The following COL4A3 variants were observed in gnomAD, a reference collection of about 807,000 sequenced individuals.
COL4A3 encodes the protein collagen type IV alpha 3 chain.
COL4A3 carries 135 observed loss-of-function variants against 217.4 expected under a neutral mutation model. That is an observed-to-expected ratio of 0.62 (90% CI 0.54 to 0.72). The LOEUF is 0.72. COL4A3 is among the 30% of genes least tolerant of loss of function. The probability of loss-of-function intolerance (pLI) is 0.00; values close to 1 mark genes in which losing one functional copy is unlikely to be tolerated. For missense variants in COL4A3, 1,868 were observed against 2,119.9 expected, an observed-to-expected ratio of 0.88 and a Z score of 2.33; for synonymous variants, 690 against 736.3, an observed-to-expected ratio of 0.94 and a Z score of 1.02.
At chr2:227,166,268 C>G (rs941473029) in intron 1 of COL4A3, among the ~76,000 whole-genome samples, 2 of 152,162 alleles carry the variant, frequency 1.3e-5, no homozygotes, top group African/African-American at 4.8e-5. Context: ...ATTAGGAATT[C>G]CCAGACCAGG....
chr2:227,226,401 C>T (rs994621876), intron 1 of COL4A3, among the ~76,000 whole-genome samples: 5 of 151,744 alleles, frequency 3.3e-5, no homozygotes, highest in African/African-American at 1.2e-4. Context: ...TCTGCCATTC[C>T]AAGGTAGAAG....
chr2:227,211,411 T>A (rs2067316856), intron 1 of COL4A3, among the ~76,000 whole-genome samples: 1 of 152,230 alleles, frequency 6.6e-6, no homozygotes, highest in South Asian at 2.1e-4. Flanking sequence ...TTTCTCAGTT[T>A]TTACTATCAC....
chr2:227,298,298 G>C (rs182404016), intron 42 of COL4A3, among the ~76,000 whole-genome samples: 75 of 152,314 alleles, frequency 4.9e-4, no homozygotes, highest in African/African-American at 1.7e-3. Flanking sequence ...GCTGCAGTGA[G>C]CTGAGATTGC....
chr2:227,185,434 T>C (rs1307058485), intron 1 of COL4A3, among the ~76,000 whole-genome samples: 2 of 152,192 alleles, frequency 1.3e-5, no homozygotes, highest in Non-Finnish European at 1.5e-5. Context: ...AGTTACCTTT[T>C]AGCTGTATGA....
intron 3 of COL4A3, among the ~76,000 whole-genome samples, chr2:227,243,190 C>T (rs1190209219): frequency 1.3e-5 from 2 of 152,164 alleles, no homozygotes; most frequent in African/African-American, 4.8e-5. Flanking sequence ...GTATGGGTTA[C>T]ATGAGTGCAG....
At chr2:227,256,560 T>C (rs939399421) in intron 17 of COL4A3, 164 bp downstream of exon 17, 1 of 774,242 alleles carries the variant, frequency 1.3e-6, no homozygotes, top group Non-Finnish European at 2.3e-6. Flanking sequence ...CAACTTTACT[T>C]AAACATTTGA....
intron 28 of COL4A3, among the ~76,000 whole-genome samples, chr2:227,279,303 G>C (rs1186876547): frequency 6.6e-6 from 1 of 151,816 alleles, no homozygotes; most frequent in Non-Finnish European, 1.5e-5. Context: ...TAGAGATGGG[G>C]TTTCTCCATC....
intron 50 of COL4A3, among the ~76,000 whole-genome samples, chr2:227,310,041 T>A (rs1432469344): frequency 6.6e-6 from 1 of 152,232 alleles, no homozygotes; most frequent in Non-Finnish European, 1.5e-5. Context: ...AATGAAGTAC[T>A]TTCCCCAGGG....
rs1411010621 is a variant in COL4A3, at chr2:227,208,803, CACAT to C, written c.88-29163_88-29160del. Among the ~76,000 whole-genome samples, 58 of 106,448 alleles carry C rather than the reference CACAT, an allele frequency of 5.4e-4. No homozygotes were observed. In the South Asian group the frequency reaches 9.7e-3, roughly 18 times the overall value. The allele number at this position is 106,448 out of a possible 152,430, so 69.8% of individuals were successfully genotyped here. On this transcript the variant is annotated intron_variant, in intron 1 of 51. Transcript: ENST00000396578. ...ACACACACACACACACACACACACA[CACAT>C]ATATACAGAAGGAGGTAAGTACAAA...
chr2:227,254,052 T>C (rs1188360680), intron 13 of COL4A3, 60 bp from the exon 14 acceptor site: 10 of 1,458,010 alleles, frequency 6.9e-6, no homozygotes, highest in African/African-American at 1.4e-5. Flanking sequence ...TGTCCCACTG[T>C]TGAATCAGTG....
At chr2:227,252,824 G>A (rs927851117) in intron 11 of COL4A3, among the ~76,000 whole-genome samples, 2 of 152,194 alleles carry the variant, frequency 1.3e-5, no homozygotes, top group East Asian at 1.9e-4. Flanking sequence ...GAAACTATTC[G>A]CATTAGACTC....
intron 1 of COL4A3, among the ~76,000 whole-genome samples, chr2:227,203,258 T>TACAC (rs1241299344): frequency 1.0e-4 from 6 of 59,586 alleles, no homozygotes; most frequent in Middle Eastern, 0.018. Flanking sequence ...TATGTATATA[T>TACAC]ACATATATGT....
chr2:227,240,890 T>C (rs2068979182), intron 3 of COL4A3, among the ~76,000 whole-genome samples: 1 of 152,212 alleles, frequency 6.6e-6, no homozygotes, highest in African/African-American at 2.4e-5. Context: ...CCAATGACCT[T>C]CAAGTGGCCA....
chr2:227,259,527 G>A (rs956470782), intron 18 of COL4A3, among the ~76,000 whole-genome samples: 2 of 152,212 alleles, frequency 1.3e-5, no homozygotes, highest in Admixed American at 6.5e-5. Context: ...AAATGTGGGT[G>A]TGTAAACTGA....
intron 24 of COL4A3, 119 bp downstream of exon 24, chr2:227,270,099 C>T (rs1043586319): frequency 3.1e-5 from 23 of 732,380 alleles, no homozygotes; most frequent in Middle Eastern, 5.9e-4. Context: ...TTAATAGATA[C>T]CTGTTGATTA....
At chr2:227,206,265 G>C in intron 1 of COL4A3, among the ~76,000 whole-genome samples, 1 of 152,010 alleles carries the variant, frequency 6.6e-6, no homozygotes, top group East Asian at 1.9e-4. Flanking sequence ...GTAGAGACAG[G>C]GTTTCACCAT....
intron 41 of COL4A3, among the ~76,000 whole-genome samples, chr2:227,296,771 C>T (rs1302008263): frequency 1.3e-5 from 2 of 152,026 alleles, no homozygotes; most frequent in South Asian, 2.1e-4. Flanking sequence ...AGGGCTAGAT[C>T]GTCAATATTC....
At chr2:227,224,492 C>A (rs1225264864) in intron 1 of COL4A3, among the ~76,000 whole-genome samples, 1 of 152,126 alleles carries the variant, frequency 6.6e-6, no homozygotes, top group Non-Finnish European at 1.5e-5. Context: ...AGCTCATGCC[C>A]GTAATCCCAG....
intron 18 of COL4A3, 58 bp from the exon 19 acceptor site, chr2:227,259,735 T>G: frequency 8.1e-7 from 1 of 1,231,164 alleles, no homozygotes; most frequent in African/African-American, 1.5e-5. Context: ...TAATGATGTT[T>G]GGTGAGCTGT....
Sources: allele counts gnomAD v4.1 joint callset (sites outside exome capture counted in the v4.1 genomes callset), GRCh38; gene constraint gnomAD v4.1.1; transcripts MANE v1.5; gene names NCBI Gene and HGNC (gene_info 2026-07-23, HGNC 2026-07-21).